CFAP299: variants seen among roughly 807,000 people sequenced by gnomAD.
CFAP299 encodes cilia- and flagella-associated protein 299.
In CFAP299, 21 loss-of-function variants were observed where a neutral mutation model predicts 27.0. That is an observed-to-expected ratio of 0.78 (90% CI 0.55 to 1.12). The LOEUF (loss-of-function observed/expected upper bound fraction) is 1.12, where lower values mean the gene tolerates loss of function less well. CFAP299 is among the 50% of genes most tolerant of loss of function. CFAP299 has a pLI of 0.00. For synonymous variants in CFAP299, 104 were observed against 98.1 expected (o/e 1.06, Z -0.36); for missense variants, 310 against 276.6 (o/e 1.12, Z -0.86).
At chr4:80,920,374 T>C (rs1735985290) in intron 4 of CFAP299, among the ~76,000 whole-genome samples, 1 of 152,128 alleles carries the variant, frequency 6.6e-6, no homozygotes, top group African/African-American at 2.4e-5. Flanking sequence ...TAGGGCCAGA[T>C]TGTAGTGTCA....
intron 2 of CFAP299, among the ~76,000 whole-genome samples, chr4:80,369,832 A>G (rs1178790633): frequency 1.3e-5 from 2 of 152,208 alleles, no homozygotes; most frequent in Non-Finnish European, 2.9e-5. Context: ...TGGTGCCTTC[A>G]GTGAACATTC....
At chr4:80,948,440 AC>A (rs1737585991) in intron 5 of CFAP299, among the ~76,000 whole-genome samples, 1 of 151,970 alleles carries the variant, frequency 6.6e-6, no homozygotes, top group South Asian at 2.1e-4. Flanking sequence ...TGAGTGATTC[AC>A]ACCCACCAAA....
At position 80,480,581 on chromosome 4, in the gene CFAP299, G is replaced by T. The variant is rs1195471337; in HGVS notation, c.243-102512G>T. ...TCCAAGTTAAGTTCCACTTAGGTTT[G>T]CAATTTAAGCACGGTTAAGCTTATT... On this transcript the variant is annotated intron_variant, in intron 2 of 5. Transcript: ENST00000358105. 3.9e-5 allele frequency among the ~76,000 whole-genome samples: 6 copies of T among 151,936 alleles called. No homozygotes were observed. In the East Asian group the frequency reaches 1.2e-3, roughly 29 times the overall value.
intron 1 of CFAP299, among the ~76,000 whole-genome samples, chr4:80,346,075 T>G (rs1007819454): frequency 6.6e-6 from 1 of 152,256 alleles, no homozygotes; most frequent in Non-Finnish European, 1.5e-5. Flanking sequence ...ATGTCTTCTT[T>G]TGAGAAGTGT....
At chr4:80,950,454 C>A (rs1020024454) in intron 5 of CFAP299, among the ~76,000 whole-genome samples, 1 of 152,016 alleles carries the variant, frequency 6.6e-6, no homozygotes, top group Admixed American at 6.6e-5. Context: ...TCAGGGGAGG[C>A]AGAATGTACT....
rs148180009 is a variant in CFAP299 at position 80,384,030 on chromosome 4, C to T, written c.242+21146C>T. ...ATATAGTTAGTTACAAGGCTCAAGA[C>T]ACCATTGAATCTGCTTGGCTTTTAC... On this transcript the variant is annotated intron_variant, in intron 2 of 5. Coordinates refer to ENST00000358105, the MANE Select transcript of CFAP299 (RefSeq NM_152770.3). 8.7e-3 allele frequency among the ~76,000 whole-genome samples: 1,326 copies of T among 152,236 alleles called. 10 individuals carry two copies. The highest frequency in any genetic ancestry group is 0.018 in the Admixed American group (279 of 15,280).
intron 3 of CFAP299, among the ~76,000 whole-genome samples, chr4:80,809,710 C>A (rs1455069120): frequency 6.6e-6 from 1 of 152,112 alleles, no homozygotes; most frequent in Non-Finnish European, 1.5e-5. Context: ...TTCTCAAAAA[C>A]TTCAGTGACT....
intron 2 of CFAP299, among the ~76,000 whole-genome samples, chr4:80,405,195 G>C (rs534928724): frequency 9.9e-5 from 15 of 152,228 alleles, no homozygotes; most frequent in Admixed American, 9.2e-4. Context: ...CCAGACGCTG[G>C]CCTGTTAGCA....
At chr4:80,409,658 C>G (rs1225732986) in intron 2 of CFAP299, among the ~76,000 whole-genome samples, 1 of 152,084 alleles carries the variant, frequency 6.6e-6, no homozygotes, top group Non-Finnish European at 1.5e-5. Flanking sequence ...TTAACTTTTA[C>G]AGAAGGTAGA....
At chr4:80,864,339 C>G (rs1356396923) in intron 3 of CFAP299, among the ~76,000 whole-genome samples, 1 of 149,786 alleles carries the variant, frequency 6.7e-6, no homozygotes, top group South Asian at 2.1e-4. Flanking sequence ...GCTCTTTTGA[C>G]CTATTTGCCC....
intron 2 of CFAP299, among the ~76,000 whole-genome samples, chr4:80,551,243 G>T (rs1380397726): frequency 2.0e-5 from 3 of 152,026 alleles, no homozygotes; most frequent in Non-Finnish European, 4.4e-5. Flanking sequence ...GCCATATTAG[G>T]GTTCTTACAA....
At chr4:80,454,449 A>G (rs1275639870) in intron 2 of CFAP299, among the ~76,000 whole-genome samples, 1 of 152,206 alleles carries the variant, frequency 6.6e-6, no homozygotes, top group Non-Finnish European at 1.5e-5. Flanking sequence ...TGGTGCCCAG[A>G]GCAAATACCT....
intron 2 of CFAP299, among the ~76,000 whole-genome samples, chr4:80,568,214 T>C (rs1220130289): frequency 6.6e-6 from 1 of 151,402 alleles, no homozygotes; most frequent in Non-Finnish European, 1.5e-5. Flanking sequence ...ATGTGTATGC[T>C]TCTAATTGGT....
In CFAP299 at chr4:80,902,580, A is replaced by AACAT. The variant is rs1553904752; in HGVS notation, c.476+32446_476+32447insCATA. ...ATTATTATTTTATCCATATATATGT[A>AACAT]ATATATACACACACACACACACACA... On this transcript the variant is annotated intron_variant, in intron 4 of 5. Coordinates refer to ENST00000358105, the MANE Select transcript of CFAP299 (RefSeq NM_152770.3). Among the ~76,000 whole-genome samples, 419 of 82,480 alleles carry AACAT rather than the reference A, an allele frequency of 5.1e-3. 2 individuals are homozygous for AACAT. The highest frequency in any genetic ancestry group is 0.013 in the African/African-American group (393 of 31,384). The allele number at this position is 82,480 out of a possible 152,430, so 54.1% of individuals were successfully genotyped here.
chr4:80,735,299 C>T (rs953474573), intron 3 of CFAP299, among the ~76,000 whole-genome samples: 1 of 152,076 alleles, frequency 6.6e-6, no homozygotes, highest in African/African-American at 2.4e-5. Context: ...TTGTATACTG[C>T]AACATTACTG....
At chr4:80,718,823 A>G (rs1279368636) in intron 3 of CFAP299, among the ~76,000 whole-genome samples, 1 of 152,162 alleles carries the variant, frequency 6.6e-6, no homozygotes, top group Non-Finnish European at 1.5e-5. Flanking sequence ...TAAAAATACT[A>G]CATTTTAGGA....
intron 3 of CFAP299, among the ~76,000 whole-genome samples, chr4:80,682,810 C>A (rs1208810949): frequency 6.6e-6 from 1 of 152,126 alleles, no homozygotes; most frequent in African/African-American, 2.4e-5. Flanking sequence ...AGTCTTGTTT[C>A]TGTCATCCCA....
chr4:80,323,915 T>C, the CFAP299 span, among the ~76,000 whole-genome samples: 1 of 152,234 alleles, frequency 6.6e-6, no homozygotes, highest in Middle Eastern at 3.2e-3. Context: ...TAGCTTCCAT[T>C]GTAATAATGC....
chr4:80,886,964 A>G (rs1002282396), intron 4 of CFAP299, among the ~76,000 whole-genome samples: 4 of 152,214 alleles, frequency 2.6e-5, no homozygotes, highest in Admixed American at 2.6e-4. Flanking sequence ...GTCTCTTAAT[A>G]CTAGAATTGA....
Sources: allele counts gnomAD v4.1 joint callset (sites outside exome capture counted in the v4.1 genomes callset), GRCh38; gene constraint gnomAD v4.1.1; transcripts MANE v1.5; gene names NCBI Gene and HGNC (gene_info 2026-07-23, HGNC 2026-07-21).